KHDRBS2: variants seen among roughly 807,000 people sequenced by gnomAD.
KHDRBS2 encodes KH RNA binding domain containing, signal transduction associated 2.
Under a neutral mutation model 44.3 loss-of-function variants are expected in KHDRBS2, and 26 were observed. The observed-to-expected ratio is 0.59, with a 90% CI of 0.43 to 0.81. The LOEUF is 0.81. Ranked by LOEUF, KHDRBS2 falls within the 40% of genes least tolerant of loss-of-function variation. The pLI, the probability that KHDRBS2 is intolerant of heterozygous loss-of-function variation, is 0.00. For missense variants in KHDRBS2, 476 were observed against 433.1 expected, an observed-to-expected ratio of 1.10 and a Z score of -0.88; for synonymous variants, 194 against 151.1, an observed-to-expected ratio of 1.28 and a Z score of -2.08.
chr6:62,057,130 A>C (rs1790469946), intron 2 of KHDRBS2, among the ~76,000 whole-genome samples: 1 of 150,592 alleles, frequency 6.6e-6, no homozygotes, highest in Non-Finnish European at 1.5e-5. Context: ...AAAGTATTTT[A>C]AGTAAGCAAC....
chr6:61,759,711 G>A (rs750915429), intron 6 of KHDRBS2, among the ~76,000 whole-genome samples: 6 of 152,102 alleles, frequency 3.9e-5, no homozygotes, highest in Non-Finnish European at 8.8e-5. Context: ...TCCCTTGTTA[G>A]CACGATTCAG....
At chr6:62,083,738 C>A (rs1797870759) in intron 2 of KHDRBS2, among the ~76,000 whole-genome samples, 1 of 152,116 alleles carries the variant, frequency 6.6e-6, no homozygotes, top group African/African-American at 2.4e-5. Context: ...GCAAGTCCTG[C>A]AAAGGGGTCA....
chr6:62,148,563 A>G (rs896267365), intron 2 of KHDRBS2, among the ~76,000 whole-genome samples: 1 of 152,036 alleles, frequency 6.6e-6, no homozygotes, highest in African/African-American at 2.4e-5. Flanking sequence ...TGGGTCACAC[A>G]AACCTGCCTC....
At chr6:62,236,904 A>G (rs1165512431) in intron 1 of KHDRBS2, among the ~76,000 whole-genome samples, 1 of 152,114 alleles carries the variant, frequency 6.6e-6, no homozygotes, top group Non-Finnish European at 1.5e-5. Context: ...ATTTGGAATT[A>G]TCTTCATTTT....
intron 1 of KHDRBS2, among the ~76,000 whole-genome samples, chr6:62,232,646 T>C (rs1416787117): frequency 6.6e-6 from 1 of 152,126 alleles, no homozygotes; most frequent in African/African-American, 2.4e-5. Context: ...GACTGTGTTG[T>C]GCCTAATACT....
intron 6 of KHDRBS2, among the ~76,000 whole-genome samples, chr6:61,860,953 C>T (rs1796865739): frequency 6.6e-6 from 1 of 152,052 alleles, no homozygotes. Flanking sequence ...TTTTGATTTG[C>T]ATTTCTCTAA....
rs374903179 is a variant in KHDRBS2 at position 61,933,893 on chromosome 6, C to A, written c.484-32522G>T. ...CCTTCCATATTATTTGCCATAAGGACTGTACTAATTTACATTTCTACCAAC... is the reference window on the plus strand; with the variant it reads ...CCTTCCATATTATTTGCCATAAGGAATGTACTAATTTACATTTCTACCAAC... On this transcript the variant is annotated intron_variant, in intron 4 of 8. Coordinates refer to ENST00000281156, the MANE Select transcript of KHDRBS2 (RefSeq NM_152688.4). Among the ~76,000 whole-genome samples the A allele has an allele frequency of 2.3e-3, 350 of 152,254 alleles. 2 individuals carry two copies. Among genetic ancestry groups the A allele is most frequent in the African/African-American group, 8.2e-3 (341 of 41,546 alleles).
chr6:61,680,211 G>C lies in KHDRBS2; in HGVS notation c.*752C>G, dbSNP rs182467879. On this transcript the variant is annotated 3_prime_UTR_variant, in exon 9 of 9. Transcript: ENST00000281156. Reference sequence around the variant, plus strand: ...AGAAGAAATAAAGCAGGCATTTAAAGCTAGAAAACAAGTAATTCCAAATTT... The same window carrying C: ...AGAAGAAATAAAGCAGGCATTTAAACCTAGAAAACAAGTAATTCCAAATTT... 7 of 152,306 alleles carry C rather than the reference G, an allele frequency of 4.6e-5. No individual in the cohort carries two copies. Among genetic ancestry groups the C allele is most frequent in the Admixed American group, 3.3e-4 (5 of 15,220 alleles). 9.4% of individuals were successfully genotyped at this position (152,306 alleles called of 1,614,324 possible). A position where few individuals can be genotyped will look rare whatever the true frequency, so the allele number is the denominator to read the frequency against.
At chr6:61,595,616 T>C in the KHDRBS2 span, among the ~76,000 whole-genome samples, 47 of 152,068 alleles carry the variant, frequency 3.1e-4, no homozygotes, top group Non-Finnish European at 5.9e-4. Context: ...AAATTTTGAC[T>C]TTTGGTAGCT....
intron 2 of KHDRBS2, among the ~76,000 whole-genome samples, chr6:62,133,225 T>C (rs988580995): frequency 6.6e-6 from 1 of 152,182 alleles, no homozygotes; most frequent in Non-Finnish European, 1.5e-5. Context: ...TCATCTTGAA[T>C]TGTAGCTCCT....
At chr6:61,643,116 A>G in the KHDRBS2 span, among the ~76,000 whole-genome samples, 2 of 149,058 alleles carry the variant, frequency 1.3e-5, no homozygotes, top group Admixed American at 1.3e-4. Flanking sequence ...ATATACATAT[A>G]CACACACTGT....
chr6:62,116,111 A>G (rs1384124513), intron 2 of KHDRBS2, among the ~76,000 whole-genome samples: 2 of 152,130 alleles, frequency 1.3e-5, no homozygotes, highest in Non-Finnish European at 2.9e-5. Context: ...TTGTAAATTG[A>G]CAAATTATAT....
At chr6:61,607,551 G>A in the KHDRBS2 span, among the ~76,000 whole-genome samples, 2 of 35,082 alleles carry the variant, frequency 5.7e-5, no homozygotes, top group Admixed American at 2.8e-4. Context: ...AAAAAGATGT[G>A]TGAGAAATTC....
chr6:61,606,251 C>T, the KHDRBS2 span, among the ~76,000 whole-genome samples: 1 of 152,204 alleles, frequency 6.6e-6, no homozygotes, highest in African/African-American at 2.4e-5. Flanking sequence ...GTTTGGTGGT[C>T]TGTTCACATG....
At chr6:61,781,450 C>T (rs16899598) in intron 6 of KHDRBS2, among the ~76,000 whole-genome samples, 1 of 151,916 alleles carries the variant, frequency 6.6e-6, no homozygotes, top group South Asian at 2.1e-4. Flanking sequence ...CAACTCCATG[C>T]CATAAATAAG....
At chr6:61,862,151 AC>A (rs1435895352) in intron 6 of KHDRBS2, among the ~76,000 whole-genome samples, 1 of 152,140 alleles carries the variant, frequency 6.6e-6, no homozygotes, top group Admixed American at 6.6e-5. Context: ...GATAAAGGAA[AC>A]CTTTGCAACC....
At chr6:62,019,588 C>T (rs1015108574) in intron 3 of KHDRBS2, among the ~76,000 whole-genome samples, 5 of 152,026 alleles carry the variant, frequency 3.3e-5, no homozygotes, top group East Asian at 3.9e-4. Flanking sequence ...AGTTTGTTTG[C>T]GGAAGGCTTC....
the KHDRBS2 span, among the ~76,000 whole-genome samples, chr6:61,613,217 G>A: frequency 1.7e-3 from 264 of 152,178 alleles, 1 homozygote; most frequent in African/African-American, 5.9e-3. Context: ...AGAATACAAG[G>A]GTCAGGAGAC....
chr6:61,900,940 A>G (rs113375775), intron 5 of KHDRBS2, among the ~76,000 whole-genome samples: 20 of 152,322 alleles, frequency 1.3e-4, no homozygotes, highest in African/African-American at 4.8e-4. Context: ...GGTAGTTGTT[A>G]AAAGTATAAA....
Sources: gnomAD v4.1 joint callset for allele counts (sites outside exome capture counted in the v4.1 genomes callset) on GRCh38, gnomAD v4.1.1 for gene constraint, MANE v1.5 for transcripts, NCBI Gene and HGNC (gene_info 2026-07-23, HGNC 2026-07-21) for gene names.